TENM1: variants seen among roughly 807,000 people sequenced by gnomAD.
The protein encoded by TENM1 is teneurin-1.
Under a neutral mutation model 174.8 loss-of-function variants are expected in TENM1, and 35 were observed. That is an observed-to-expected ratio of 0.20 (90% confidence interval 0.15 to 0.27). The LOEUF (loss-of-function observed/expected upper bound fraction) is 0.27, where lower values mean the gene tolerates loss of function less well. TENM1 is among the 10% of genes least tolerant of loss of function. The pLI is 1.00. For synonymous variants in TENM1, 781 were observed against 798.7 expected (o/e 0.98, Z 0.37); for missense variants, 1,633 against 2,130.1 (o/e 0.77, Z 4.59).
chrX:124,799,777 T>C lies in TENM1; in HGVS notation c.536-62580A>G, dbSNP rs985324003. Among the ~76,000 whole-genome samples, 13 of 111,581 alleles carry C rather than the reference T, an allele frequency of 1.2e-4. No homozygotes were observed. The South Asian group carries it at 2.6e-3, about 23-fold the overall frequency. ...TCTTATAATTTTGAGATATGTTCCA[T>C]TGATATCTAGTTTATTGTGAGTTTT... On this transcript the variant is annotated intron_variant, in intron 3 of 31. Coordinates refer to ENST00000422452, the Ensembl canonical transcript of TENM1.
chrX:124,993,814 GCA>G, the TENM1 span, among the ~76,000 whole-genome samples: 1,423 of 107,016 alleles, frequency 0.013, 35 homozygotes, highest in African/African-American at 0.044. Context: ...ACGTGTGCAT[GCA>G]CACACACACA....
intron 25 of TENM1, among the ~76,000 whole-genome samples, chrX:124,415,782 C>T (rs1157870904): frequency 9.0e-6 from 1 of 111,212 alleles, no homozygotes; most frequent in Non-Finnish European, 1.9e-5. Context: ...CAGGCCTGGA[C>T]CCCATTCACC....
At chrX:124,623,386 G>A (rs936344130) in intron 11 of TENM1, among the ~76,000 whole-genome samples, 1 of 111,544 alleles carries the variant, frequency 9.0e-6, no homozygotes, top group Admixed American at 9.6e-5. Context: ...TCGTGTATTC[G>A]CTTGACTTTG....
intron 3 of TENM1, among the ~76,000 whole-genome samples, chrX:124,828,421 A>G (rs1017942827): frequency 4.1e-4 from 46 of 112,634 alleles, no homozygotes; most frequent in African/African-American, 1.3e-3. Flanking sequence ...ACAACTAAAT[A>G]AAACATAAAT....
intron 27 of TENM1, among the ~76,000 whole-genome samples, chrX:124,403,535 A>G (rs1223637146): frequency 2.0e-5 from 2 of 99,219 alleles, no homozygotes; most frequent in South Asian, 4.6e-4. Flanking sequence ...AAAAAAAAAG[A>G]AAAAAAAAAG....
intron 1 of TENM1, among the ~76,000 whole-genome samples, chrX:124,943,692 G>A (rs2058362316): frequency 8.9e-6 from 1 of 112,036 alleles, no homozygotes; most frequent in Admixed American, 9.5e-5. Flanking sequence ...TAGCTAACAA[G>A]TACTTCTTAT....
chrX:124,862,918 C>A (rs781719734), intron 3 of TENM1, among the ~76,000 whole-genome samples: 2 of 107,550 alleles, frequency 1.9e-5, no homozygotes, highest in South Asian at 4.3e-4. Flanking sequence ...CTTTGTCTTG[C>A]ATCTTGTATA....
intron 15 of TENM1, among the ~76,000 whole-genome samples, chrX:124,536,284 T>C (rs1315489790): frequency 4.5e-5 from 5 of 111,244 alleles, no homozygotes; most frequent in Non-Finnish European, 9.4e-5. Flanking sequence ...AATGCTCATA[T>C]GCAAACCCAA....
intron 22 of TENM1, among the ~76,000 whole-genome samples, chrX:124,454,381 CTCTATA>C (rs1428285370): frequency 4.7e-5 from 2 of 42,950 alleles, no homozygotes; most frequent in Middle Eastern, 0.012. Context: ...GAGCTGGTTA[CTCTATA>C]TCTAGGTATA....
intron 1 of TENM1, among the ~76,000 whole-genome samples, chrX:124,949,055 A>T (rs2058443986): frequency 9.0e-6 from 1 of 111,495 alleles, no homozygotes; most frequent in Non-Finnish European, 1.9e-5. Flanking sequence ...GCTGGTGTGG[A>T]GATAGGATTC....
the TENM1 span, among the ~76,000 whole-genome samples, chrX:125,031,739 C>G: frequency 7.1e-5 from 8 of 112,067 alleles, no homozygotes; most frequent in African/African-American, 2.6e-4. Context: ...GATTCAGAAC[C>G]TCTATCTTTA....
the TENM1 span, among the ~76,000 whole-genome samples, chrX:125,066,323 C>T: frequency 8.9e-6 from 1 of 111,769 alleles, no homozygotes; most frequent in South Asian, 3.8e-4. Context: ...CTACTACTGA[C>T]ATTTAGCCCA....
chrX:124,471,461 TATATATA>T (rs777606880), intron 22 of TENM1, among the ~76,000 whole-genome samples: 131 of 11,449 alleles, frequency 0.011, 5 homozygotes, highest in African/African-American at 0.022. Context: ...TATATAATAC[TATATATA>T]ATATATAATA....
chrX:125,188,212 A>C, the TENM1 span, among the ~76,000 whole-genome samples: 1 of 110,654 alleles, frequency 9.0e-6, no homozygotes, highest in African/African-American at 3.3e-5. Context: ...GTGTGCCTGT[A>C]GTCTCTGCTA....
exon 23 of TENM1, chrX:124,453,358 G>A: frequency 1.7e-6 from 2 of 1,209,127 alleles, no homozygotes; most frequent in Non-Finnish European, 2.2e-6. Context: ...CCATTCCTGA[G>A]TCACAGCTCA....
Position 124,810,821 on chromosome X carries a change from C to T in TENM1, c.536-73624G>A, listed in dbSNP as rs757390386. 1.9e-4 allele frequency among the ~76,000 whole-genome samples: 21 copies of T among 111,609 alleles called. No homozygotes were observed. In the South Asian group the frequency reaches 4.1e-3, roughly 22 times the overall value. ...TATTACAAAGTTACAGTAACCAAAA[C>T]AGCTCAGCACCAGCAATTTCAAAAA... On this transcript the variant is annotated intron_variant, in intron 3 of 31. Transcript: ENST00000422452.
intron 1 of TENM1, among the ~76,000 whole-genome samples, chrX:124,903,730 A>C (rs2057700318): frequency 8.9e-6 from 1 of 111,973 alleles, no homozygotes; most frequent in South Asian, 3.7e-4. Context: ...AAAAAGAATC[A>C]GGGACTAGAA....
the TENM1 span, among the ~76,000 whole-genome samples, chrX:125,071,407 T>C: frequency 8.9e-6 from 1 of 111,785 alleles, no homozygotes; most frequent in Non-Finnish European, 1.9e-5. Flanking sequence ...ACTTTTCCCG[T>C]ACAATAAGAA....
At chrX:124,629,116 C>A (rs1569352583) in intron 11 of TENM1, among the ~76,000 whole-genome samples, 1 of 112,367 alleles carries the variant, frequency 8.9e-6, no homozygotes, top group African/African-American at 3.2e-5. Context: ...TTGTTTATCT[C>A]TTTTTTTCCC....
Sources: gnomAD v4.1 joint callset for allele counts (sites outside exome capture counted in the v4.1 genomes callset) on GRCh38, gnomAD v4.1.1 for gene constraint, MANE v1.5 for transcripts, NCBI Gene and HGNC (gene_info 2026-07-23, HGNC 2026-07-21) for gene names.